MIPOL1: variants seen among roughly 807,000 people sequenced by gnomAD.
MIPOL1 encodes the protein mirror-image polydactyly 1.
Under a neutral mutation model 60.9 loss-of-function variants are expected in MIPOL1, and 57 were observed. The observed-to-expected ratio is 0.94, with a 90% confidence interval of 0.76 to 1.17. MIPOL1 has a LOEUF of 1.17. MIPOL1 is among the 50% of genes most tolerant of loss of function. The pLI is 0.00. For synonymous variants in MIPOL1, 179 were observed against 168.8 expected (o/e 1.06, Z -0.47); for missense variants, 551 against 511.6 (o/e 1.08, Z -0.74).
chr14:37,432,662 T>C (rs1320776206), intron 11 of MIPOL1, among the ~76,000 whole-genome samples: 1 of 152,144 alleles, frequency 6.6e-6, no homozygotes, highest in Admixed American at 6.5e-5. Context: ...TTGGAAACAT[T>C]TGTTTGGATT....
chr14:37,328,020 C>CT (rs1319943181), intron 9 of MIPOL1, among the ~76,000 whole-genome samples: 11 of 142,774 alleles, frequency 7.7e-5, no homozygotes, highest in South Asian at 2.4e-4. Flanking sequence ...TTTCTGTTTT[C>CT]TTTTTTTTTG....
At chr14:37,442,090 G>T (rs1267501370) in intron 11 of MIPOL1, among the ~76,000 whole-genome samples, 1 of 15,738 alleles carries the variant, frequency 6.4e-5, no homozygotes, top group Non-Finnish European at 1.4e-4. Context: ...CTACTTTGTT[G>T]TGTGTGTGTG....
chr14:37,337,354 ATATTTTTTT>A (rs1199804789), intron 9 of MIPOL1, among the ~76,000 whole-genome samples: 3 of 32,654 alleles, frequency 9.2e-5, no homozygotes, highest in Non-Finnish European at 1.4e-4. Flanking sequence ...ATATATATAT[ATATTTTTTT>A]TTTTTTTTTT....
At chr14:37,390,796 G>A (rs2093215294) in intron 10 of MIPOL1, among the ~76,000 whole-genome samples, 1 of 151,860 alleles carries the variant, frequency 6.6e-6, no homozygotes, top group African/African-American at 2.4e-5. Flanking sequence ...ACTCAAAACA[G>A]TACAATATAG....
At chr14:37,514,403 A>G (rs1426561180) in intron 12 of MIPOL1, among the ~76,000 whole-genome samples, 1 of 152,182 alleles carries the variant, frequency 6.6e-6, no homozygotes, top group Non-Finnish European at 1.5e-5. Context: ...ACTTTAAAAT[A>G]TGTTTATAGT....
chr14:37,345,684 A>G (rs2090898979), intron 9 of MIPOL1, among the ~76,000 whole-genome samples: 1 of 152,122 alleles, frequency 6.6e-6, no homozygotes, highest in South Asian at 2.1e-4. Context: ...TGATACTTGG[A>G]GCCCATATTC....
chr14:37,202,388 C>T (rs1594411152), intron 1 of MIPOL1, among the ~76,000 whole-genome samples: 1 of 147,272 alleles, frequency 6.8e-6, no homozygotes, highest in African/African-American at 2.6e-5. Flanking sequence ...TTTCATTACA[C>T]ACACACACAC....
chr14:37,338,634 C>T (rs1041847539), intron 9 of MIPOL1, among the ~76,000 whole-genome samples: 3 of 152,022 alleles, frequency 2.0e-5, no homozygotes, highest in African/African-American at 7.3e-5. Flanking sequence ...GTCTAGAAGT[C>T]CTGGCCTCAA....
At chr14:37,426,873 A>G (rs1478781044) in intron 11 of MIPOL1, among the ~76,000 whole-genome samples, 2 of 151,908 alleles carry the variant, frequency 1.3e-5, no homozygotes, top group Non-Finnish European at 2.9e-5. Context: ...TTTGGTATCC[A>G]CTCAAAAATT....
chr14:37,333,812 A>G (rs762768721), intron 9 of MIPOL1, among the ~76,000 whole-genome samples: 3 of 152,054 alleles, frequency 2.0e-5, no homozygotes, highest in Non-Finnish European at 2.9e-5. Flanking sequence ...TCTGTAATTG[A>G]CAGACGATTT....
intron 12 of MIPOL1, among the ~76,000 whole-genome samples, chr14:37,540,164 C>A (rs1268636938): frequency 1.3e-5 from 2 of 152,162 alleles, no homozygotes; most frequent in Non-Finnish European, 2.9e-5. Context: ...AGTGTGAGAA[C>A]AGACTAATAC....
At chr14:37,422,021 T>C (rs1045398787) in intron 10 of MIPOL1, among the ~76,000 whole-genome samples, 1 of 152,044 alleles carries the variant, frequency 6.6e-6, no homozygotes, top group African/African-American at 2.4e-5. Context: ...AACCATTTTA[T>C]GAAAATTTAA....
chr14:37,359,965 A>C (rs1464515073), intron 9 of MIPOL1, among the ~76,000 whole-genome samples: 1 of 152,132 alleles, frequency 6.6e-6, no homozygotes, highest in Non-Finnish European at 1.5e-5. Context: ...TTTGTCATAA[A>C]TAGCTCTTAT....
At chr14:37,357,060 A>C (rs947614792) in intron 9 of MIPOL1, among the ~76,000 whole-genome samples, 3 of 152,162 alleles carry the variant, frequency 2.0e-5, no homozygotes, top group Admixed American at 6.5e-5. Context: ...ACAGTGCTGC[A>C]ACAAACATGG....
chr14:37,444,467 G>A lies in MIPOL1; in HGVS notation c.1031+21518G>A, dbSNP rs138311181. Among the ~76,000 whole-genome samples, 58 of 152,172 alleles carry A rather than the reference G, an allele frequency of 3.8e-4. No homozygotes were observed. In the East Asian group the frequency reaches 0.011, roughly 28 times the overall value. ...CAATTCTCTCCAAATTGATCTGCAG[G>A]CTATATATTACCCTAATAAGAATTA... On this transcript the variant is annotated intron_variant, in intron 11 of 12. Transcript: ENST00000684589.
intron 12 of MIPOL1, among the ~76,000 whole-genome samples, chr14:37,520,926 C>CTTT (rs11299536): frequency 1.9e-4 from 9 of 47,730 alleles, no homozygotes; most frequent in African/African-American, 9.3e-4. Context: ...TAACATTTTA[C>CTTT]TTTTTTTTTT....
chr14:37,225,118 T>G (rs1005823556), intron 1 of MIPOL1, among the ~76,000 whole-genome samples: 3 of 152,190 alleles, frequency 2.0e-5, no homozygotes, highest in Non-Finnish European at 4.4e-5. Flanking sequence ...CTTGTGTTCT[T>G]GCAGGGTACA....
At chr14:37,299,042 C>G (rs1317211586) in intron 7 of MIPOL1, among the ~76,000 whole-genome samples, 1 of 152,032 alleles carries the variant, frequency 6.6e-6, no homozygotes, top group African/African-American at 2.4e-5. Flanking sequence ...AGACTTGGAA[C>G]CAACCCAAAT....
intron 12 of MIPOL1, chr14:37,545,542 G>T: frequency 2.0e-6 from 1 of 492,906 alleles, no homozygotes; most frequent in Non-Finnish European, 3.6e-6. Flanking sequence ...TTTTAGAAAA[G>T]TTTGTAGTAA....
Sources: allele counts gnomAD v4.1 joint callset (sites outside exome capture counted in the v4.1 genomes callset), GRCh38; gene constraint gnomAD v4.1.1; transcripts MANE v1.5; gene names NCBI Gene and HGNC (gene_info 2026-07-23, HGNC 2026-07-21).